PITPNC1: variants seen among roughly 807,000 people sequenced by gnomAD.
PITPNC1 encodes the protein cytoplasmic phosphatidylinositol transfer protein 1.
Under a neutral mutation model 44.7 loss-of-function variants are expected in PITPNC1, and 18 were observed. The ratio of observed to expected loss-of-function variants is 0.40; its 90% CI spans 0.28 to 0.60. The LOEUF (loss-of-function observed/expected upper bound fraction) is 0.60, where lower values mean the gene tolerates loss of function less well. Among genes scored for constraint, PITPNC1 ranks in the 20% least tolerant of loss-of-function variants. The probability of loss-of-function intolerance (pLI) is 0.39; values close to 1 mark genes in which losing one functional copy is unlikely to be tolerated. For missense variants in PITPNC1, 290 were observed against 418.4 expected (o/e 0.69, Z 2.68); for synonymous variants, 141 against 149.6 (o/e 0.94, Z 0.42).
intron 4 of PITPNC1, among the ~76,000 whole-genome samples, chr17:67,571,651 G>A (rs190681216): frequency 6.6e-4 from 101 of 152,334 alleles, no homozygotes; most frequent in Admixed American, 2.1e-3. Context: ...GTTGAAGGAC[G>A]AAGGTCGCGT....
At chr17:67,454,501 T>C (rs1474971035) in intron 1 of PITPNC1, among the ~76,000 whole-genome samples, 1 of 152,210 alleles carries the variant, frequency 6.6e-6, no homozygotes, top group Non-Finnish European at 1.5e-5. Context: ...TTTCAACCAT[T>C]TAAAAATGTA....
intron 1 of PITPNC1, among the ~76,000 whole-genome samples, chr17:67,471,338 C>T (rs2039527747): frequency 6.6e-6 from 1 of 150,748 alleles, no homozygotes; most frequent in Non-Finnish European, 1.5e-5. Flanking sequence ...GGATATACCA[C>T]AGTCTGTTTA....
intron 6 of PITPNC1, among the ~76,000 whole-genome samples, chr17:67,667,982 AAAC>A (rs1272846668): frequency 2.0e-5 from 3 of 152,184 alleles, no homozygotes; most frequent in South Asian, 2.1e-4. Context: ...TCCATCTCAA[AAAC>A]AACAACAACA....
chr17:67,419,991 G>A (rs141162272), intron 1 of PITPNC1, among the ~76,000 whole-genome samples: 4 of 152,088 alleles, frequency 2.6e-5, no homozygotes, highest in East Asian at 1.9e-4. Flanking sequence ...CTATCCATCC[G>A]TAAAGCACAA....
chr17:67,532,340 A>G (rs1387011758), intron 1 of PITPNC1, among the ~76,000 whole-genome samples: 1 of 152,160 alleles, frequency 6.6e-6, no homozygotes, highest in Non-Finnish European at 1.5e-5. Flanking sequence ...GAGCATTTTG[A>G]GAGAGGGAGG....
At position 67,508,326 on chromosome 17, in the gene PITPNC1, G is replaced by A. The variant is rs949253078; in HGVS notation, c.49-24476G>A. On this transcript the variant is annotated intron_variant, in intron 1 of 8. Coordinates refer to ENST00000581322, the MANE Select transcript of PITPNC1 (RefSeq NM_012417.4). This position sits in a 1 kb window ranked among gnomAD's most constrained non-coding sequence, Gnocchi z 4.2. ...AGGGCTGCTGGTTGCCCAGTTTTAC[G>A]GTTATTTCTTAATGATGTGCTAAAC... is the stretch of plus-strand genomic sequence containing the variant. Among the ~76,000 whole-genome samples the A allele has an allele frequency of 6.6e-6, 1 of 152,216 alleles. No individual in the cohort carries two copies. Among genetic ancestry groups the A allele is most frequent in the Non-Finnish European group, 1.5e-5 (1 of 68,030 alleles).
intron 2 of PITPNC1, among the ~76,000 whole-genome samples, chr17:67,543,881 C>T (rs562283285): frequency 3.4e-4 from 52 of 152,144 alleles, no homozygotes; most frequent in Non-Finnish European, 5.6e-4. Context: ...GAGGGAATCT[C>T]GCTCTGTCAC....
At chr17:67,631,412 G>A (rs1450765021) in intron 5 of PITPNC1, among the ~76,000 whole-genome samples, 2 of 144,630 alleles carry the variant, frequency 1.4e-5, no homozygotes, top group African/African-American at 5.1e-5. Flanking sequence ...GGCGGATCAC[G>A]AGGTCAGGAG....
At chr17:67,538,566 C>T (rs1183431355) in intron 2 of PITPNC1, among the ~76,000 whole-genome samples, 1 of 152,162 alleles carries the variant, frequency 6.6e-6, no homozygotes, top group Admixed American at 6.5e-5. Flanking sequence ...TGCCACTGCA[C>T]TCCAGCCTGG....
At chr17:67,513,078 G>T (rs762444461) in intron 1 of PITPNC1, among the ~76,000 whole-genome samples, 4 of 151,948 alleles carry the variant, frequency 2.6e-5, no homozygotes, top group Non-Finnish European at 5.9e-5. Flanking sequence ...AAAATATATA[G>T]TAAGGCTGGG....
chr17:67,686,479 T>C (rs1043506559), intron 8 of PITPNC1, among the ~76,000 whole-genome samples: 3 of 152,042 alleles, frequency 2.0e-5, no homozygotes, highest in African/African-American at 4.8e-5. Context: ...TAGCCAAGAC[T>C]TGAGGTTCAG....
At chr17:67,436,805 T>C (rs551223471) in intron 1 of PITPNC1, among the ~76,000 whole-genome samples, 37 of 152,020 alleles carry the variant, frequency 2.4e-4, no homozygotes, top group African/African-American at 8.7e-4. Context: ...GGTCATCTGT[T>C]ACCAGTTTTA....
chr17:67,450,469 A>G (rs1041009896), intron 1 of PITPNC1, among the ~76,000 whole-genome samples: 1 of 152,094 alleles, frequency 6.6e-6, no homozygotes, highest in Non-Finnish European at 1.5e-5. Flanking sequence ...TCTGTCACCC[A>G]GGCTGGAGTG....
intron 1 of PITPNC1, among the ~76,000 whole-genome samples, chr17:67,471,253 A>G (rs2039525683): frequency 6.6e-6 from 1 of 150,722 alleles, no homozygotes; most frequent in South Asian, 2.1e-4. Context: ...AAAAAAAAAA[A>G]AAAGAAATTC....
chr17:67,382,225 C>G (rs1298303030), intron 1 of PITPNC1, among the ~76,000 whole-genome samples: 2 of 152,102 alleles, frequency 1.3e-5, no homozygotes, highest in Non-Finnish European at 2.9e-5. Flanking sequence ...ATTTCTCTAG[C>G]TTTATTTTAA....
intron 2 of PITPNC1, among the ~76,000 whole-genome samples, chr17:67,547,570 C>A (rs1487035884): frequency 2.6e-5 from 4 of 152,030 alleles, no homozygotes; most frequent in Non-Finnish European, 5.9e-5. Context: ...TAATTCTGAC[C>A]CCTGTTGAGA....
intron 4 of PITPNC1, among the ~76,000 whole-genome samples, chr17:67,568,705 G>C (rs1357136019): frequency 6.6e-6 from 1 of 151,872 alleles, no homozygotes; most frequent in African/African-American, 2.4e-5. Flanking sequence ...CCTGAGTTTG[G>C]GGGTGGGCTC....
chr17:67,621,180 CATTTT>C lies in PITPNC1; in HGVS notation c.367-10921_367-10917del, dbSNP rs10653389. On this transcript the variant is annotated intron_variant, in intron 5 of 8. Transcript: ENST00000581322. ...TACTAGAGTACTCTTGTCTGAAGCA[CATTTT>C]ATTTTATTTTATTTTATTTTATTTT... is the stretch of plus-strand genomic sequence containing the variant. Among the ~76,000 whole-genome samples the C allele has an allele frequency of 5.0e-3, 644 of 129,848 alleles. 4 individuals carry two copies. Among genetic ancestry groups the C allele is most frequent in the African/African-American group, 0.015 (547 of 35,590 alleles). The allele number at this position is 129,848 out of a possible 152,430, so 85.2% of individuals were successfully genotyped here.
intron 1 of PITPNC1, among the ~76,000 whole-genome samples, chr17:67,488,744 G>A (rs2039819696): frequency 1.3e-5 from 2 of 152,078 alleles, no homozygotes; most frequent in South Asian, 4.1e-4. Flanking sequence ...TCCCCTCCTG[G>A]CAGCCCCTGG....
Sources: gnomAD v4.1 joint callset for allele counts (sites outside exome capture counted in the v4.1 genomes callset) on GRCh38, gnomAD v4.1.1 for gene constraint, Gnocchi (gnomAD v3.1) non-coding constraint, MANE v1.5 for transcripts, NCBI Gene and HGNC (gene_info 2026-07-23, HGNC 2026-07-21) for gene names.